The following SOX13 variants were observed in gnomAD, a reference collection of about 807,000 sequenced individuals.
SOX13 encodes transcription factor SOX-13.
Under a neutral mutation model 71.8 loss-of-function variants are expected in SOX13, and 28 were observed. The observed-to-expected ratio is 0.39, with a 90% CI of 0.29 to 0.53. The LOEUF is 0.53. Among genes scored for constraint, SOX13 ranks in the 20% least tolerant of loss-of-function variants. The pLI, the probability that SOX13 is intolerant of heterozygous loss-of-function variation, is 0.70. For missense variants in SOX13, 627 were observed against 810.3 expected (o/e 0.77, Z 2.75); for synonymous variants, 309 against 317.8 (o/e 0.97, Z 0.29).
intron 5 of SOX13, 67 bp downstream of exon 5, chr1:204,116,746 C>T (rs1448228436): frequency 3.3e-5 from 53 of 1,588,528 alleles, no homozygotes; most frequent in Non-Finnish European, 4.1e-5. Context: ...CTAGAGAAGG[C>T]TGCCTTAGGG....
At chr1:204,110,443 G>T (rs1286966133) in intron 1 of SOX13, among the ~76,000 whole-genome samples, 1 of 151,682 alleles carries the variant, frequency 6.6e-6, no homozygotes, top group Non-Finnish European at 1.5e-5. Context: ...TGAGATTACA[G>T]GCATGAGCCC....
rs768623667 is a variant in SOX13 at position 204,122,888 on chromosome 1, C to G, written c.1059C>G (p.Ala353=). ...GTGAAGGGGACGCTGTCACCAAAGC[C>G]ATCCAGGATGCTCGGCAGCTGCTGC... The part of the protein sequence containing the change: ...FLGEGDAVTK[A]IQDARQLLHS... Residue 353 remains alanine, a synonymous_variant, in exon 10 of 14, where the codon GCC becomes GCG. Transcript: ENST00000367204. 6 of 1,577,432 alleles carry G rather than the reference C, an allele frequency of 3.8e-6. No homozygotes were observed. The highest frequency in any genetic ancestry group is 5.2e-6 in the Non-Finnish European group (6 of 1,161,306).
At chr1:204,109,021 G>A (rs887944785) in intron 1 of SOX13, among the ~76,000 whole-genome samples, 1 of 152,222 alleles carries the variant, frequency 6.6e-6, no homozygotes, top group African/African-American at 2.4e-5. Context: ...TCGCCCCCCT[G>A]CTCTCGGCCT....
Position 204,121,930 on chromosome 1 carries a change from C to A in SOX13, c.806C>A (p.Pro269His). The change falls in exon 8 of 14, where the codon CCC (proline) becomes CAC (histidine). Residue 269 changes from proline to histidine, a missense_variant. By Grantham distance (77) the Pro-to-His change is moderately conservative. Transcript: ENST00000367204. ...TATCCGCTGCAGCTGCTGCACAGCC[C>A]CCCTGCCCCAGTGGTGAAGAGGCCT... is the stretch of plus-strand genomic sequence containing the variant. ...VEYPLQLLHSPPAPVVKRPGA... is the reference protein window; with the variant it reads ...VEYPLQLLHSHPAPVVKRPGA... 6.2e-7 allele frequency: 1 copy of A among 1,612,990 alleles called. No individual in the cohort carries two copies. Among genetic ancestry groups the A allele is most frequent in the Non-Finnish European group, 8.5e-7 (1 of 1,179,110 alleles).
intron 1 of SOX13, among the ~76,000 whole-genome samples, chr1:204,093,504 G>A (rs925536763): frequency 1.3e-5 from 2 of 152,236 alleles, no homozygotes; most frequent in Non-Finnish European, 2.9e-5. Context: ...CTGACAGGAA[G>A]TGAAGGCGGT....
intron 1 of SOX13, among the ~76,000 whole-genome samples, chr1:204,076,485 G>A (rs1189080115): frequency 2.0e-5 from 3 of 152,134 alleles, no homozygotes; most frequent in African/African-American, 7.2e-5. Flanking sequence ...TTGGGGTGAG[G>A]GGCAAAAGTG....
chr1:204,123,834 A>C lies in SOX13; in HGVS notation c.1375+30A>C. 1 of 1,611,380 alleles carries C rather than the reference A, an allele frequency of 6.2e-7. No individual in the cohort carries two copies. Among genetic ancestry groups the C allele is most frequent in the Non-Finnish European group, 8.5e-7 (1 of 1,177,820 alleles). The stretch of plus-strand genomic sequence containing the variant: ...GGGCCAGTGGCTGGGGCCATGGTTC[A>C]GTGTGACCTGGTTGCAGGAGCCAGC... On this transcript the variant is annotated intron_variant, in intron 12 of 13. Transcript: ENST00000367204. The surrounding 1 kb of genome is among the most constrained non-coding windows in gnomAD (Gnocchi z 5.0).
rs1371033217 is a variant in SOX13, at chr1:204,122,904, C to G, written c.1075C>G (p.Gln359Glu). 6.3e-7 allele frequency: 1 copy of G among 1,585,298 alleles called. No individual in the cohort carries two copies. Among genetic ancestry groups the G allele is most frequent in the Non-Finnish European group, 8.6e-7 (1 of 1,165,618 alleles). Residue 359 changes from glutamine to glutamate, a missense_variant, in exon 10 of 14, where the codon CAG (glutamine) becomes GAG (glutamate). Coordinates refer to ENST00000367204, the MANE Select transcript of SOX13 (RefSeq NM_005686.3). ...CACCAAAGCCATCCAGGATGCTCGG[C>G]AGCTGCTGCACAGCCACAGTGGGGC... ...AVTKAIQDAR[Q>E]LLHSHSGALD...
chr1:204,087,176 C>G (rs1215703993), intron 1 of SOX13, among the ~76,000 whole-genome samples: 1 of 152,234 alleles, frequency 6.6e-6, no homozygotes, highest in East Asian at 1.9e-4. Context: ...CCCGCCTCGG[C>G]CTCCCAAAAT....
chr1:204,090,449 C>T (rs1174883296), intron 1 of SOX13, among the ~76,000 whole-genome samples: 2 of 150,038 alleles, frequency 1.3e-5, no homozygotes, highest in African/African-American at 4.9e-5. Flanking sequence ...CACTCTGTCA[C>T]CCAGGCTGGA....
intron 4 of SOX13, among the ~76,000 whole-genome samples, chr1:204,115,737 G>A (rs1656679946): frequency 7.0e-6 from 1 of 143,196 alleles, no homozygotes; most frequent in Admixed American, 7.4e-5. Context: ...TGTGATTTCG[G>A]CTCACTGCAA....
intron 1 of SOX13, among the ~76,000 whole-genome samples, chr1:204,074,830 C>CGCTGGCGCTCTTG: frequency 6.6e-6 from 1 of 152,256 alleles, no homozygotes; most frequent in Non-Finnish European, 1.5e-5. Context: ...GCAAAGACTC[C>CGCTGGCGCTCTTG]GCTGGCGCTC....
chr1:204,124,892 G>A (rs1476133658), intron 13 of SOX13, 35 bp downstream of exon 13: 9 of 1,439,470 alleles, frequency 6.3e-6, no homozygotes, highest in Non-Finnish European at 6.7e-6. Flanking sequence ...CCAGGAGACT[G>A]TGTGTACATG....
chr1:204,112,817 A>C, intron 1 of SOX13, 98 bp from the exon 2 acceptor site: 31 of 924,132 alleles, frequency 3.4e-5, no homozygotes, highest in Non-Finnish European at 5.0e-5. Flanking sequence ...ACCAGGAGGC[A>C]CTTGGGTGGG....
chr1:204,115,942 A>G, intron 4 of SOX13: 1 of 212,736 alleles, frequency 4.7e-6, no homozygotes, highest in Non-Finnish European at 9.5e-6. Flanking sequence ...CTGGGATTAC[A>G]GGCGTGAGCC....
At position 204,123,545 on chromosome 1, in the gene SOX13, G is replaced by A. The variant is rs1656855724; in HGVS notation, c.1232-116G>A. 2.6e-6 allele frequency: 3 copies of A among 1,150,472 alleles called. No individual in the cohort carries two copies. The highest frequency in any genetic ancestry group is 1.5e-5 in the South Asian group (1 of 65,114). 71.3% of individuals were successfully genotyped at this position (1,150,472 alleles called of 1,614,324 possible). On this transcript the variant is annotated intron_variant, in intron 11 of 13. Transcript: ENST00000367204. The surrounding 1 kb of genome is among the most constrained non-coding windows in gnomAD (Gnocchi z 5.0). ...CCTTGCTCCTCCTCGGCTGGCTGCT[G>A]TGGGAGCCTCCTCAGTGCCTCCTGC...
At chr1:204,117,296 A>G in intron 6 of SOX13, 106 bp downstream of exon 6, 1 of 996,394 alleles carries the variant, frequency 1.0e-6, no homozygotes, top group Admixed American at 1.9e-5. Flanking sequence ...AAAGAGCCAG[A>G]GCAGAATCAC....
In SOX13 at chr1:204,101,950, C is replaced by T. The variant is rs181853656; in HGVS notation, c.-1-10965C>T. On this transcript the variant is annotated intron_variant, in intron 1 of 13. Transcript: ENST00000367204. ...TAGTGAGTATATATTACTATTTGCC[C>T]CAGTTACAGATAAAGGCAGGAGGGT... 4.3e-3 allele frequency among the ~76,000 whole-genome samples: 649 copies of T among 152,254 alleles called. 6 individuals are homozygous for T. The highest frequency in any genetic ancestry group is 0.015 in the African/African-American group (638 of 41,520).
At chr1:204,102,341 G>A (rs1041139601) in intron 1 of SOX13, among the ~76,000 whole-genome samples, 17 of 152,192 alleles carry the variant, frequency 1.1e-4, no homozygotes, top group Admixed American at 3.3e-4. Flanking sequence ...GAACGCAAGG[G>A]TTAATGATAT....
Sources: gnomAD v4.1 joint callset for allele counts (sites outside exome capture counted in the v4.1 genomes callset) on GRCh38, gnomAD v4.1.1 for gene constraint, Gnocchi (gnomAD v3.1) non-coding constraint, MANE v1.5 for transcripts, NCBI Gene and HGNC (gene_info 2026-07-23, HGNC 2026-07-21) for gene names.